CACNA2D1: variants seen among roughly 807,000 people sequenced by gnomAD.
CACNA2D1 encodes calcium voltage-gated channel auxiliary subunit alpha2delta 1, also known as voltage-dependent calcium channel subunit alpha-2/delta-1.
In CACNA2D1, 53 loss-of-function variants were observed where a neutral mutation model predicts 171.5. The ratio of observed to expected loss-of-function variants is 0.31; its 90% CI spans 0.25 to 0.39. The LOEUF is 0.39. CACNA2D1 is among the 10% of genes least tolerant of loss of function. CACNA2D1 has a pLI of 1.00. For missense variants in CACNA2D1, 903 were observed against 1,299.8 expected (o/e 0.69, Z 4.69); for synonymous variants, 442 against 443.1 (o/e 1.00, Z 0.03).
At chr7:82,355,986 C>A (rs573315425) in intron 1 of CACNA2D1, among the ~76,000 whole-genome samples, 1 of 152,152 alleles carries the variant, frequency 6.6e-6, no homozygotes, top group South Asian at 2.1e-4. Context: ...TATGTCCCTT[C>A]TCGTTGTTGG....
intron 10 of CACNA2D1, among the ~76,000 whole-genome samples, chr7:82,046,761 G>A (rs1250336468): frequency 1.3e-5 from 2 of 152,010 alleles, no homozygotes; most frequent in Non-Finnish European, 2.9e-5. Context: ...ATAAAGACAC[G>A]AATTGTGTTT....
chr7:82,281,253 T>C (rs1007825912), intron 3 of CACNA2D1, among the ~76,000 whole-genome samples: 1 of 152,166 alleles, frequency 6.6e-6, no homozygotes, highest in Admixed American at 6.5e-5. Context: ...CTTGAACCAG[T>C]TTTTCTAGAC....
chr7:82,340,356 T>A (rs75494023), intron 2 of CACNA2D1, among the ~76,000 whole-genome samples: 20 of 150,908 alleles, frequency 1.3e-4, no homozygotes, highest in African/African-American at 4.9e-4. Flanking sequence ...TTTTTTTTTT[T>A]AATAGGATCT....
At chr7:82,006,138 C>A (rs528337476) in intron 16 of CACNA2D1, among the ~76,000 whole-genome samples, 1 of 152,082 alleles carries the variant, frequency 6.6e-6, no homozygotes, top group South Asian at 2.1e-4. Flanking sequence ...TTTATTTTCA[C>A]TGCTATTGTA....
At chr7:82,020,776 T>C (rs1188935496) in intron 12 of CACNA2D1, 1 of 152,164 alleles carries the variant, frequency 6.6e-6, no homozygotes. Flanking sequence ...GATATATCTA[T>C]ACGAAATTTC....
chr7:81,947,554 T>C lies in CACNA2D1; in HGVS notation c.*2838A>G, dbSNP rs923856895. Reference sequence around the variant, plus strand: ...AAGAAATCATTAATGCAAAATTCTTTCTTGTTACTCAACACCATTGCCAAG... The same window carrying C: ...AAGAAATCATTAATGCAAAATTCTTCCTTGTTACTCAACACCATTGCCAAG... On this transcript the variant is annotated 3_prime_UTR_variant, in exon 39 of 39. Coordinates refer to ENST00000356860, the MANE Select transcript of CACNA2D1 (RefSeq NM_000722.4). The C allele has an allele frequency of 2.6e-5, 4 of 151,988 alleles. No individual in the cohort carries two copies. Among genetic ancestry groups the C allele is most frequent in the Non-Finnish European group, 5.9e-5 (4 of 67,880 alleles). The allele number at this position is 151,988 out of a possible 1,614,324, so 9.4% of individuals were successfully genotyped here.
chr7:82,301,704 A>C (rs73376104), intron 3 of CACNA2D1, among the ~76,000 whole-genome samples: 3,774 of 150,262 alleles, frequency 0.025, 151 homozygotes, highest in African/African-American at 0.088. Context: ...GTTTGCATTA[A>C]ATTGTGTATT....
At chr7:82,111,774 G>A (rs1339875057) in intron 6 of CACNA2D1, among the ~76,000 whole-genome samples, 1 of 151,946 alleles carries the variant, frequency 6.6e-6, no homozygotes, top group African/African-American at 2.4e-5. Flanking sequence ...ATAAAAGATA[G>A]TAACAGTTTT....
intron 3 of CACNA2D1, among the ~76,000 whole-genome samples, chr7:82,172,212 G>A (rs1796089746): frequency 6.6e-6 from 1 of 151,870 alleles, no homozygotes; most frequent in African/African-American, 2.4e-5. Context: ...TAACCAAAAG[G>A]CGGCTCCCTC....
intron 6 of CACNA2D1, among the ~76,000 whole-genome samples, chr7:82,115,126 G>A (rs1467046863): frequency 6.6e-6 from 1 of 152,062 alleles, no homozygotes; most frequent in Non-Finnish European, 1.5e-5. Flanking sequence ...GATGTACAGA[G>A]TACTGACAAA....
At chr7:82,353,472 T>C (rs929160897) in intron 1 of CACNA2D1, among the ~76,000 whole-genome samples, 7 of 151,988 alleles carry the variant, frequency 4.6e-5, no homozygotes, top group Non-Finnish European at 2.9e-5. Context: ...ATGGCATGGG[T>C]TTAAAGCTCT....
At chr7:82,389,387 G>A (rs1824827518) in intron 1 of CACNA2D1, among the ~76,000 whole-genome samples, 1 of 151,996 alleles carries the variant, frequency 6.6e-6, no homozygotes, top group Admixed American at 6.6e-5. Context: ...CATGTTGATA[G>A]TATTTAACAA....
intron 1 of CACNA2D1, among the ~76,000 whole-genome samples, chr7:82,426,335 A>G (rs1829184853): frequency 6.6e-6 from 1 of 152,004 alleles, no homozygotes; most frequent in Non-Finnish European, 1.5e-5. Flanking sequence ...ATGCCTCTAC[A>G]CTAGGAGGAA....
intron 1 of CACNA2D1, among the ~76,000 whole-genome samples, chr7:82,357,973 T>C (rs17179503): frequency 0.035 from 5,282 of 152,238 alleles, 127 homozygotes; most frequent in Admixed American, 0.058. Context: ...CTCTGCTTTT[T>C]GCCACTATTT....
At chr7:82,381,059 T>TC (rs920192133) in intron 1 of CACNA2D1, among the ~76,000 whole-genome samples, 1 of 151,486 alleles carries the variant, frequency 6.6e-6, no homozygotes, top group Admixed American at 6.6e-5. Context: ...ACGCCTGTAA[T>TC]CCCAGCACTC....
At chr7:82,443,331 C>T in intron 1 of CACNA2D1, 34 bp downstream of exon 1, 1 of 1,582,972 alleles carries the variant, frequency 6.3e-7, no homozygotes, top group Non-Finnish European at 8.6e-7. Context: ...CGGCGCCCCT[C>T]GGCCGGCGCT....
intron 26 of CACNA2D1, chr7:81,970,941 CTG>C: frequency 1.8e-6 from 1 of 557,234 alleles, no homozygotes; most frequent in Non-Finnish European, 3.2e-6. Flanking sequence ...GAAATAATGA[CTG>C]AGGTGCATTT....
intron 10 of CACNA2D1, among the ~76,000 whole-genome samples, chr7:82,045,889 C>T (rs1804495801): frequency 6.6e-6 from 1 of 152,096 alleles, no homozygotes; most frequent in Non-Finnish European, 1.5e-5. Flanking sequence ...AGATTCAGAG[C>T]TCAACCCCAA....
intron 7 of CACNA2D1, among the ~76,000 whole-genome samples, chr7:82,067,926 C>T (rs1184979520): frequency 1.3e-5 from 2 of 152,184 alleles, no homozygotes; most frequent in African/African-American, 4.8e-5. Context: ...ACTCCAAATG[C>T]ATCCTTCTAC....
Sources: allele counts gnomAD v4.1 joint callset (sites outside exome capture counted in the v4.1 genomes callset), GRCh38; gene constraint gnomAD v4.1.1; transcripts MANE v1.5; gene names NCBI Gene and HGNC (gene_info 2026-07-23, HGNC 2026-07-21).